Variants in MAGI2 observed in about 807,000 individuals in gnomAD.
MAGI2 encodes membrane associated guanylate kinase, WW and PDZ domain containing 2.
Under a neutral mutation model 133.3 loss-of-function variants are expected in MAGI2, and 35 were observed. That is an observed-to-expected ratio of 0.26 (90% CI 0.20 to 0.35). MAGI2 has a LOEUF of 0.35. Among genes scored for constraint, MAGI2 ranks in the 10% least tolerant of loss-of-function variants. The pLI is 1.00. For missense variants in MAGI2, 1,636 were observed against 1,863.4 expected (o/e 0.88, Z 2.25); for synonymous variants, 729 against 710.6 (o/e 1.03, Z -0.41).
intron 2 of MAGI2, among the ~76,000 whole-genome samples, chr7:78,728,540 C>CTTTTTTTTTT (rs71085560): frequency 3.3e-5 from 2 of 60,068 alleles, no homozygotes; most frequent in Non-Finnish European, 5.7e-5. Flanking sequence ...TTTCTCTGAT[C>CTTTTTTTTTT]TTTTTTTTTT....
intron 2 of MAGI2, among the ~76,000 whole-genome samples, chr7:78,783,782 T>A (rs1426237828): frequency 6.6e-6 from 1 of 152,204 alleles, no homozygotes; most frequent in Non-Finnish European, 1.5e-5. Context: ...CGAACACCTG[T>A]GTACATTGTT....
At position 79,206,189 on chromosome 7, in the gene MAGI2, C is replaced by T. The variant is rs1157755625; in HGVS notation, c.302-198983G>A. ...AAGAAACTAGAGAAATAAAAACACA[C>T]CAAGCCAAAGTTAGTAAAAAAAAAA... On this transcript the variant is annotated intron_variant, in intron 1 of 21. Coordinates refer to ENST00000354212, the MANE Select transcript of MAGI2 (RefSeq NM_012301.4). Among the ~76,000 whole-genome samples, 6 of 149,332 alleles carry T rather than the reference C, an allele frequency of 4.0e-5. No individual in the cohort carries two copies. In the East Asian group the frequency reaches 1.2e-3, roughly 29 times the overall value.
chr7:78,273,770 G>T (rs553120450), intron 9 of MAGI2, among the ~76,000 whole-genome samples: 22 of 152,032 alleles, frequency 1.4e-4, no homozygotes, highest in African/African-American at 5.1e-4. Context: ...CTTGTGCTGT[G>T]TTTTTCAGCT....
intron 1 of MAGI2, among the ~76,000 whole-genome samples, chr7:79,159,245 T>A (rs1275954634): frequency 2.0e-5 from 3 of 152,050 alleles, no homozygotes; most frequent in Admixed American, 6.6e-5. Context: ...TAAGTCATCA[T>A]AAGGAATTTT....
intron 2 of MAGI2, among the ~76,000 whole-genome samples, chr7:78,860,218 CCGAT>C (rs2151498764): frequency 6.6e-6 from 1 of 151,660 alleles, no homozygotes; most frequent in South Asian, 2.1e-4. Context: ...TTTGTTATTA[CCGAT>C]CATCTGAAGC....
chr7:78,199,003 A>C (rs911641484), intron 11 of MAGI2, among the ~76,000 whole-genome samples: 2 of 152,336 alleles, frequency 1.3e-5, no homozygotes, highest in Non-Finnish European at 2.9e-5. Flanking sequence ...GAGGTAACAC[A>C]GGACTAGGAG....
chr7:78,835,145 A>G (rs1391245077), intron 2 of MAGI2, among the ~76,000 whole-genome samples: 1 of 152,174 alleles, frequency 6.6e-6, no homozygotes, highest in Non-Finnish European at 1.5e-5. Flanking sequence ...AACTTTTTGA[A>G]GGACTGCCAG....
chr7:78,674,495 A>G (rs1160300787), intron 2 of MAGI2, among the ~76,000 whole-genome samples: 1 of 152,146 alleles, frequency 6.6e-6, no homozygotes, highest in Admixed American at 6.6e-5. Context: ...AAAATGGTAA[A>G]TGTATCTATT....
chr7:78,363,298 C>T (rs1458282691), intron 7 of MAGI2, among the ~76,000 whole-genome samples: 1 of 152,102 alleles, frequency 6.6e-6, no homozygotes, highest in Non-Finnish European at 1.5e-5. Flanking sequence ...TTGAGACCAT[C>T]CTGGTTAACA....
At chr7:79,005,497 T>C (rs1400134560) in intron 2 of MAGI2, among the ~76,000 whole-genome samples, 4 of 152,218 alleles carry the variant, frequency 2.6e-5, no homozygotes, top group African/African-American at 4.8e-5. Context: ...AAGAAGTTAA[T>C]TAACTAATGC....
At chr7:79,318,990 C>T (rs1484105120) in intron 1 of MAGI2, among the ~76,000 whole-genome samples, 4 of 152,094 alleles carry the variant, frequency 2.6e-5, no homozygotes, top group Non-Finnish European at 5.9e-5. Flanking sequence ...AGCTGCTATT[C>T]GCAACCTCTT....
intron 9 of MAGI2, among the ~76,000 whole-genome samples, chr7:78,317,596 T>C (rs1787554085): frequency 6.6e-6 from 1 of 152,248 alleles, no homozygotes; most frequent in African/African-American, 2.4e-5. Context: ...ATGATGGCTC[T>C]GAAGAGAGCA....
At chr7:78,993,134 C>A (rs1314637325) in intron 2 of MAGI2, among the ~76,000 whole-genome samples, 1 of 151,986 alleles carries the variant, frequency 6.6e-6, no homozygotes, top group Non-Finnish European at 1.5e-5. Flanking sequence ...TTACAGAATA[C>A]ACTGATAATG....
At chr7:78,977,526 A>C (rs1241673156) in intron 2 of MAGI2, among the ~76,000 whole-genome samples, 1 of 139,366 alleles carries the variant, frequency 7.2e-6, no homozygotes, top group Admixed American at 7.1e-5. Flanking sequence ...AAAGAAAGAA[A>C]GAGCAAAGAC....
At chr7:78,368,100 T>A (rs112109489) in intron 7 of MAGI2, among the ~76,000 whole-genome samples, 1 of 152,118 alleles carries the variant, frequency 6.6e-6, no homozygotes, top group East Asian at 1.9e-4. Context: ...CTTTTCCAAA[T>A]GAAAATGATG....
At chr7:79,075,502 T>G (rs1815381736) in intron 1 of MAGI2, among the ~76,000 whole-genome samples, 1 of 152,198 alleles carries the variant, frequency 6.6e-6, no homozygotes, top group Non-Finnish European at 1.5e-5. Context: ...GGCTCACATC[T>G]GTAATCCCAA....
chr7:78,809,702 G>T (rs1295203127), intron 2 of MAGI2, among the ~76,000 whole-genome samples: 1 of 151,846 alleles, frequency 6.6e-6, no homozygotes, highest in Non-Finnish European at 1.5e-5. Flanking sequence ...ATTTATTGAG[G>T]TCTCTAAAGG....
chr7:78,128,711 T>A (rs1169626852), intron 18 of MAGI2, among the ~76,000 whole-genome samples: 1 of 152,196 alleles, frequency 6.6e-6, no homozygotes, highest in Non-Finnish European at 1.5e-5. Flanking sequence ...TGGCAATAGA[T>A]GTATTTACTT....
At chr7:78,301,561 A>G (rs1393072064) in intron 9 of MAGI2, among the ~76,000 whole-genome samples, 3 of 152,226 alleles carry the variant, frequency 2.0e-5, no homozygotes, top group African/African-American at 7.2e-5. Flanking sequence ...TGCCCCAGAC[A>G]TAATTTGAAA....
Sources: gnomAD v4.1 joint callset for allele counts (sites outside exome capture counted in the v4.1 genomes callset) on GRCh38, gnomAD v4.1.1 for gene constraint, MANE v1.5 for transcripts, NCBI Gene and HGNC (gene_info 2026-07-23, HGNC 2026-07-21) for gene names.